The following CRX variants were observed in gnomAD, a reference collection of about 807,000 sequenced individuals.
CRX encodes the protein cone-rod homeobox protein.
CRX carries 5 observed loss-of-function variants against 13.1 expected under a neutral mutation model. That is an observed-to-expected ratio of 0.38 (90% CI 0.20 to 0.80). The LOEUF (loss-of-function observed/expected upper bound fraction) is 0.80, where lower values mean the gene tolerates loss of function less well. Ranked by LOEUF, CRX falls within the 30% of genes least tolerant of loss-of-function variation. The probability of loss-of-function intolerance (pLI) is 0.43; values close to 1 mark genes in which losing one functional copy is unlikely to be tolerated. For missense variants in CRX, 351 were observed against 391.8 expected, an observed-to-expected ratio of 0.90 and a Z score of 0.88; for synonymous variants, 179 against 171.1, an observed-to-expected ratio of 1.05 and a Z score of -0.36.
intron 1 of CRX, among the ~76,000 whole-genome samples, chr19:47,826,750 G>T (rs6509345): frequency 0.73 from 110,854 of 152,216 alleles, 41,945 homozygotes; most frequent in African/African-American, 0.89. Flanking sequence ...TCCTAAAATT[G>T]AGCAGCTTCA....
At chr19:47,827,970 A>G (rs1376955622) in intron 1 of CRX, among the ~76,000 whole-genome samples, 4 of 147,316 alleles carry the variant, frequency 2.7e-5, no homozygotes, top group African/African-American at 1.0e-4. Context: ...CCTGGCCAAC[A>G]TGGTGAAACC....
intron 3 of CRX, among the ~76,000 whole-genome samples, chr19:47,836,773 T>C (rs570856558): frequency 6.6e-6 from 1 of 152,368 alleles, no homozygotes; most frequent in East Asian, 1.9e-4. Context: ...GATTTACATA[T>C]GGTATCTCAG....
intron 1 of CRX, among the ~76,000 whole-genome samples, chr19:47,828,450 G>A (rs1179563372): frequency 6.6e-6 from 1 of 152,036 alleles, no homozygotes; most frequent in Non-Finnish European, 1.5e-5. Context: ...TTTTTCTTAT[G>A]TTTCAAATAT....
intron 2 of CRX, among the ~76,000 whole-genome samples, chr19:47,835,910 C>T (rs1198601688): frequency 4.6e-5 from 7 of 152,214 alleles, no homozygotes; most frequent in East Asian, 3.9e-4. Flanking sequence ...CGTGAGCCAC[C>T]GCACCCAGCC....
Position 47,840,054 on chromosome 19 carries a change from C to T in CRX, c.*87C>T. On this transcript the variant is annotated 3_prime_UTR_variant, in exon 4 of 4. Coordinates refer to ENST00000221996, the MANE Select transcript of CRX (RefSeq NM_000554.6). ...CCCTGCAGTTTAGATCCCGGGATGGCATTCCTGAGAAAGCAACCCGAACCA... is the reference window on the plus strand; with the variant it reads ...CCCTGCAGTTTAGATCCCGGGATGGTATTCCTGAGAAAGCAACCCGAACCA... 2.0e-6 allele frequency: 3 copies of T among 1,531,518 alleles called. No homozygotes were observed. Among genetic ancestry groups the T allele is most frequent in the Non-Finnish European group, 2.7e-6 (3 of 1,123,004 alleles). 94.9% of individuals were successfully genotyped at this position (1,531,518 alleles called of 1,614,324 possible).
At chr19:47,829,405 C>G (rs1968016523) in intron 1 of CRX, among the ~76,000 whole-genome samples, 1 of 152,082 alleles carries the variant, frequency 6.6e-6, no homozygotes, top group African/African-American at 2.4e-5. Flanking sequence ...GATCTCGGCT[C>G]ACTGCAACCT....
rs767773596 is a variant in CRX at position 47,836,301 on chromosome 19, G to A, written c.159G>A (p.Glu53=). ...CCTTCACCCGGAGCCAACTGGAGGA[G>A]CTGGAGGCACTGTTTGCCAAGACCC... ...RTTFTRSQLE[E]LEALFAKTQY... The change falls in exon 3 of 4, where the codon GAG becomes GAA. Residue 53 remains glutamate (E), a synonymous_variant. Coordinates refer to ENST00000221996, the MANE Select transcript of CRX (RefSeq NM_000554.6). The A allele has an allele frequency of 1.1e-5, 17 of 1,614,204 alleles. No individual in the cohort carries two copies. In the Admixed American group the frequency reaches 2.8e-4, roughly 27 times the overall value.
At chr19:47,833,060 G>A (rs1443418100) in intron 1 of CRX, among the ~76,000 whole-genome samples, 7 of 67,086 alleles carry the variant, frequency 1.0e-4, no homozygotes, top group African/African-American at 3.3e-4. Context: ...TGAGATAGGG[G>A]TCTATTTCTT....
Position 47,839,439 on chromosome 19 carries a change from C to T in CRX, c.372C>T (p.Ser124=), listed in dbSNP as rs755797220. 1.2e-6 allele frequency: 2 copies of T among 1,613,830 alleles called. No homozygotes were observed. Among genetic ancestry groups the T allele is most frequent in the Non-Finnish European group, 1.7e-6 (2 of 1,179,916 alleles). The change falls in exon 4 of 4, where the codon TCC becomes TCT. Residue 124 remains serine (S), a synonymous_variant. Transcript: ENST00000221996. The surrounding 1 kb of genome is among the most constrained non-coding windows in gnomAD (Gnocchi z 4.6). ...ARPAKRKAGT[S]PRPSTDVCPD... Reference sequence around the variant, plus strand: ...CTGCCAAGAGGAAGGCGGGCACGTCCCCAAGACCCTCCACAGATGTGTGTC... The same window carrying T: ...CTGCCAAGAGGAAGGCGGGCACGTCTCCAAGACCCTCCACAGATGTGTGTC...
Position 47,841,836 on chromosome 19 carries a change from T to C in CRX, c.*1869T>C, listed in dbSNP as rs1285955350. 2 of 146,398 alleles carry C rather than the reference T, an allele frequency of 1.4e-5. No individual in the cohort carries two copies. Among genetic ancestry groups the C allele is most frequent in the African/African-American group, 2.5e-5 (1 of 39,650 alleles). 9.1% of individuals were successfully genotyped at this position (146,398 alleles called of 1,614,324 possible). On this transcript the variant is annotated 3_prime_UTR_variant, in exon 4 of 4. Coordinates refer to ENST00000221996, the MANE Select transcript of CRX (RefSeq NM_000554.6). ...GCGGGTTCCAAGAGCCCTTCATTGGTGGAGTTCACAAGGCAAGGTGTAAAA... is the reference window on the plus strand; with the variant it reads ...GCGGGTTCCAAGAGCCCTTCATTGGCGGAGTTCACAAGGCAAGGTGTAAAA...
chr19:47,831,196 C>T (rs557123840), intron 1 of CRX, among the ~76,000 whole-genome samples: 98 of 150,704 alleles, frequency 6.5e-4, no homozygotes, highest in South Asian at 2.1e-3. Flanking sequence ...AATCCCAGCT[C>T]CTCAGGAGGC....
At chr19:47,837,795 G>T (rs931473832) in intron 3 of CRX, among the ~76,000 whole-genome samples, 1 of 152,000 alleles carries the variant, frequency 6.6e-6, no homozygotes. Context: ...GTGTACAATT[G>T]TATGTATCAT....
At chr19:47,836,173 C>G in intron 2 of CRX, 70 bp from the exon 3 acceptor site, 4 of 1,594,506 alleles carry the variant, frequency 2.5e-6, no homozygotes, top group Non-Finnish European at 3.4e-6. Context: ...CTTGGCATCC[C>G]ACCCAGCCTC....
intron 1 of CRX, among the ~76,000 whole-genome samples, chr19:47,831,334 T>C (rs950311210): frequency 2.1e-5 from 3 of 143,794 alleles, no homozygotes; most frequent in Non-Finnish European, 3.1e-5. Context: ...AAAAGAATAG[T>C]AAATCAAATA....
chr19:47,834,544 G>A lies in CRX; in HGVS notation c.100+1G>A. On this transcript the variant is annotated splice_donor_variant, in intron 2 of 3. Coordinates refer to ENST00000221996, the MANE Select transcript of CRX (RefSeq NM_000554.6). LOFTEE classifies it high-confidence loss of function. Reference sequence around the variant, plus strand: ...ATGCACCAGGCTGTGCCCTACCCAAGTGAGTACAGTCGTTTCTCTTGGCAC... The same window carrying A: ...ATGCACCAGGCTGTGCCCTACCCAAATGAGTACAGTCGTTTCTCTTGGCAC... 1 of 1,613,128 alleles carries A rather than the reference G, an allele frequency of 6.2e-7. No individual in the cohort carries two copies. Among genetic ancestry groups the A allele is most frequent in the Non-Finnish European group, 8.5e-7 (1 of 1,179,174 alleles).
Position 47,833,255 on chromosome 19 carries a change from G to GTTTGCT in CRX, c.-35-1150_-35-1149insCTTTTG, listed in dbSNP as rs1555801563. On this transcript the variant is annotated intron_variant, in intron 1 of 3. Transcript: ENST00000221996. ...GCTTAGCCCTTACTGTCGTTTTTTT[G>GTTTGCT]TTTGTTTTTGTTTTTGTTTTTTTGT... 1.3e-4 allele frequency among the ~76,000 whole-genome samples: 17 copies of GTTTGCT among 127,926 alleles called. No individual in the cohort carries two copies. The East Asian group carries it at 3.7e-3, about 27-fold the overall frequency. The allele number at this position is 127,926 out of a possible 152,430, so 83.9% of individuals were successfully genotyped here.
intron 2 of CRX, among the ~76,000 whole-genome samples, chr19:47,835,417 C>T (rs1275239326): frequency 2.0e-5 from 3 of 151,272 alleles, no homozygotes; most frequent in Admixed American, 6.6e-5. Context: ...GACGGAGTTT[C>T]GCTCCTGCCC....
At chr19:47,823,527 G>T (rs565148630) in intron 1 of CRX, among the ~76,000 whole-genome samples, 1 of 152,148 alleles carries the variant, frequency 6.6e-6, no homozygotes, top group Non-Finnish European at 1.5e-5. Flanking sequence ...CCTTGTCCCC[G>T]CTGGACAGAG....
rs60558029 is a variant in CRX at position 47,840,703 on chromosome 19, C to CTT, written c.*755_*756dup. 1,148 of 97,108 alleles carry CTT rather than the reference C, an allele frequency of 0.012. 20 individuals carry two copies. Among genetic ancestry groups the CTT allele is most frequent in the Middle Eastern group, 0.045 (4 of 88 alleles). The allele number at this position is 97,108 out of a possible 1,614,324, so 6.0% of individuals were successfully genotyped here. On this transcript the variant is annotated 3_prime_UTR_variant, in exon 4 of 4. Coordinates refer to ENST00000221996, the MANE Select transcript of CRX (RefSeq NM_000554.6). ...CAGGCGTGAGCCACCGCGCCCGGCC[C>CTT]TTTTTTTTTTTTTTTTTTTTAATTG...
Sources: allele counts gnomAD v4.1 joint callset (sites outside exome capture counted in the v4.1 genomes callset), GRCh38; gene constraint gnomAD v4.1.1; non-coding constraint Gnocchi (gnomAD v3.1); transcripts MANE v1.5; gene names NCBI Gene and HGNC (gene_info 2026-07-23, HGNC 2026-07-21).